Variants in ARHGAP12 observed in about 807,000 individuals in gnomAD.
ARHGAP12 encodes the protein Rho GTPase activating protein 12, also known as rho GTPase-activating protein 12.
In ARHGAP12, 64 loss-of-function variants were observed where a neutral mutation model predicts 108.6. The ratio of observed to expected loss-of-function variants is 0.59; its 90% CI spans 0.48 to 0.73. The LOEUF is 0.73. ARHGAP12 is among the 30% of genes least tolerant of loss of function. The pLI is 0.00. For missense variants in ARHGAP12, 940 were observed against 1,005.9 expected (o/e 0.93, Z 0.89); for synonymous variants, 312 against 337.2 (o/e 0.93, Z 0.82).
At chr10:31,898,464 G>A (rs1204954189) in intron 3 of ARHGAP12, among the ~76,000 whole-genome samples, 2 of 152,138 alleles carry the variant, frequency 1.3e-5, no homozygotes, top group Non-Finnish European at 2.9e-5. Context: ...TTGCTGGTGG[G>A]ATGGTCCTGA....
intron 10 of ARHGAP12, 32 bp downstream of exon 10, chr10:31,831,707 C>CATGTAAG (rs767042935): frequency 7.8e-6 from 11 of 1,415,834 alleles, no homozygotes; most frequent in Non-Finnish European, 1.1e-5. Flanking sequence ...TCAGATGAAT[C>CATGTAAG]ATGTAAGAAC....
intron 1 of ARHGAP12, among the ~76,000 whole-genome samples, chr10:31,916,865 T>C (rs1019916656): frequency 6.6e-6 from 1 of 152,026 alleles, no homozygotes; most frequent in African/African-American, 2.4e-5. Context: ...TCCGCCCGCC[T>C]TGGCCTCCCA....
intron 3 of ARHGAP12, among the ~76,000 whole-genome samples, chr10:31,886,030 T>C (rs966994436): frequency 1.3e-5 from 2 of 152,196 alleles, no homozygotes; most frequent in Non-Finnish European, 2.9e-5. Flanking sequence ...TTGACTGTTA[T>C]AACAGACTTC....
chr10:31,809,276 A>T lies in ARHGAP12; in HGVS notation c.2082T>A (p.Ser694Arg). 6.2e-7 allele frequency: 1 copy of T among 1,613,964 alleles called. No homozygotes were observed. Among genetic ancestry groups the T allele is most frequent in the East Asian group, 2.2e-5 (1 of 44,850 alleles). ...GLDIDGIYRV[S>R]GNLAVIQKLR... ...GTTTCTGGATCACTGCGAGGTTGCC[A>T]CTTACTCTGTATATCCCATCAATAT... The change falls in exon 17 of 20, where the codon AGT (serine) becomes AGA (arginine). Residue 694 changes from serine to arginine, a missense_variant. Coordinates refer to ENST00000344936, the MANE Select transcript of ARHGAP12 (RefSeq NM_018287.7).
chr10:31,860,923 C>T (rs1837089369), intron 4 of ARHGAP12, among the ~76,000 whole-genome samples: 1 of 152,158 alleles, frequency 6.6e-6, no homozygotes, highest in Non-Finnish European at 1.5e-5. Context: ...CAGCCAGTGA[C>T]ATGTGCCTGT....
At chr10:31,832,301 T>C (rs2132206057) in intron 9 of ARHGAP12, among the ~76,000 whole-genome samples, 1 of 152,324 alleles carries the variant, frequency 6.6e-6, no homozygotes. Context: ...ACTGGTATCA[T>C]GTACAGAACT....
chr10:31,908,309 G>C lies in ARHGAP12; in HGVS notation c.547C>G (p.Pro183Ala), dbSNP rs754920279. The C allele has an allele frequency of 7.4e-6, 12 of 1,614,004 alleles. No individual in the cohort carries two copies. The Admixed American group carries it at 1.0e-4, about 13-fold the overall frequency. The change falls in exon 3 of 20, where the codon CCA becomes GCA. Residue 183 changes from proline to alanine, a missense_variant. Physicochemically the swap from Pro to Ala is conservative, Grantham distance 27. Coordinates refer to ENST00000344936, the MANE Select transcript of ARHGAP12 (RefSeq NM_018287.7). ...GTTTTCTCTACATCCAAGAACTCTG[G>C]ACCGGGAAAATGACCAAATGAGCGT... ...RTRSFGHFPG[P>A]EFLDVEKTSF... is the part of the protein sequence containing the mutation.
At chr10:31,858,147 G>A (rs1044584040) in intron 4 of ARHGAP12, among the ~76,000 whole-genome samples, 2 of 152,112 alleles carry the variant, frequency 1.3e-5, no homozygotes, top group Non-Finnish European at 2.9e-5. Context: ...AGACTGCAGT[G>A]AGAGCTATGA....
chr10:31,812,571 T>C (rs1255915010), intron 15 of ARHGAP12, 136 bp downstream of exon 15: 1 of 568,596 alleles, frequency 1.8e-6, no homozygotes, highest in Non-Finnish European at 3.0e-6. Context: ...ACTTAATGTC[T>C]TTTAATCACT....
intron 10 of ARHGAP12, among the ~76,000 whole-genome samples, chr10:31,827,562 C>CG (rs1334026291): frequency 6.6e-6 from 1 of 152,024 alleles, no homozygotes; most frequent in Non-Finnish European, 1.5e-5. Flanking sequence ...GAGGCCGAGA[C>CG]GGGTGGATCA....
At chr10:31,868,214 A>G (rs986545992) in intron 3 of ARHGAP12, among the ~76,000 whole-genome samples, 10 of 151,982 alleles carry the variant, frequency 6.6e-5, no homozygotes, top group Non-Finnish European at 1.3e-4. Flanking sequence ...AAAAATCTGC[A>G]TGATCTGCCA....
chr10:31,894,922 C>A (rs149530984), intron 3 of ARHGAP12, among the ~76,000 whole-genome samples: 3,650 of 152,242 alleles, frequency 0.024, 158 homozygotes, highest in African/African-American at 0.082. Flanking sequence ...TGGAACAGAA[C>A]AGAGGCCTCA....
intron 1 of ARHGAP12, among the ~76,000 whole-genome samples, chr10:31,915,372 G>C (rs1839512766): frequency 6.8e-6 from 1 of 147,426 alleles, no homozygotes. Context: ...GGCAACAACA[G>C]TGAAACTCTG....
chr10:31,843,619 C>T (rs1436229535), intron 6 of ARHGAP12, 33 bp from the exon 7 acceptor site: 3 of 1,561,174 alleles, frequency 1.9e-6, no homozygotes, highest in Non-Finnish European at 2.6e-6. Context: ...ACACAAAAAA[C>T]AGTTCATAAA....
chr10:31,820,712 T>TTATATATATA (rs59605145), intron 11 of ARHGAP12, among the ~76,000 whole-genome samples: 2 of 118,278 alleles, frequency 1.7e-5, no homozygotes, highest in Admixed American at 8.2e-5. Context: ...TTCCATCATA[T>TTATATATATA]TATATATATA....
At chr10:31,845,822 A>C (rs1165265714) in intron 6 of ARHGAP12, among the ~76,000 whole-genome samples, 1 of 152,172 alleles carries the variant, frequency 6.6e-6, no homozygotes, top group East Asian at 1.9e-4. Context: ...ATTTCCTTAC[A>C]GAAGCATATT....
chr10:31,808,166 CATT>C (rs1400521712), intron 19 of ARHGAP12, among the ~76,000 whole-genome samples: 2 of 151,850 alleles, frequency 1.3e-5, no homozygotes, highest in African/African-American at 4.8e-5. Flanking sequence ...AAAAAAATCT[CATT>C]AGGGTGTGGA....
At chr10:31,817,936 A>C in intron 12 of ARHGAP12, 50 bp from the exon 13 acceptor site, 1 of 1,325,010 alleles carries the variant, frequency 7.5e-7, no homozygotes, top group Non-Finnish European at 1.1e-6. Flanking sequence ...TTGTGCTTTC[A>C]GCAAAATACA....
intron 3 of ARHGAP12, among the ~76,000 whole-genome samples, chr10:31,866,480 AG>A (rs1837326877): frequency 6.6e-6 from 1 of 152,198 alleles, no homozygotes; most frequent in South Asian, 2.1e-4. Context: ...AGTGGTTTGC[AG>A]GAATCAGCCC....
Sources: gnomAD v4.1 joint callset for allele counts (sites outside exome capture counted in the v4.1 genomes callset) on GRCh38, gnomAD v4.1.1 for gene constraint, MANE v1.5 for transcripts, NCBI Gene and HGNC (gene_info 2026-07-23, HGNC 2026-07-21) for gene names.